Variants in CLIC5 observed in about 807,000 individuals in gnomAD.
CLIC5 encodes the protein CLIC family member 5.
In CLIC5, 20 loss-of-function variants were observed where a neutral mutation model predicts 24.7. The ratio of observed to expected loss-of-function variants is 0.81; its 90% CI spans 0.57 to 1.18. The LOEUF (loss-of-function observed/expected upper bound fraction) is 1.18, where lower values mean the gene tolerates loss of function less well. Among genes scored for constraint, CLIC5 ranks in the 50% most tolerant of loss-of-function variants. The probability of loss-of-function intolerance (pLI) is 0.00; values close to 1 mark genes in which losing one functional copy is unlikely to be tolerated. For synonymous variants in CLIC5, 159 were observed against 135.6 expected, an observed-to-expected ratio of 1.17 and a Z score of -1.20; for missense variants, 341 against 326.1, an observed-to-expected ratio of 1.05 and a Z score of -0.35.
In CLIC5 at chr6:45,919,809, C is replaced by T. The variant is rs552390216; in HGVS notation, c.407-5400G>A. ...GAATTCTTTTTTCTGTCTTAGAGTT[C>T]CTTTTACAGAAATCCTAATCTCTCT... On this transcript the variant is annotated intron_variant, in intron 4 of 5. Transcript: ENST00000339561. 7.2e-5 allele frequency among the ~76,000 whole-genome samples: 11 copies of T among 152,224 alleles called. No homozygotes were observed. In the South Asian group the frequency reaches 2.3e-3, roughly 32 times the overall value.
intron 1 of CLIC5, among the ~76,000 whole-genome samples, chr6:45,966,345 C>A (rs1376344832): frequency 6.6e-6 from 1 of 150,822 alleles, no homozygotes; most frequent in Non-Finnish European, 1.5e-5. Flanking sequence ...AATGCCCAAG[C>A]CCCACTCTCA....
At chr6:45,887,662 G>A (rs1561910981) in intron 6 of CLIC5, among the ~76,000 whole-genome samples, 1 of 152,182 alleles carries the variant, frequency 6.6e-6, no homozygotes, top group Admixed American at 6.5e-5. Context: ...GGAAGGTGAT[G>A]GAAGTTTTGA....
chr6:46,114,240 G>A, the CLIC5 span, among the ~76,000 whole-genome samples: 3 of 152,042 alleles, frequency 2.0e-5, no homozygotes, highest in Admixed American at 1.3e-4. Flanking sequence ...GTCCGCTATT[G>A]CCTTAAGTCC....
intron 1 of CLIC5, among the ~76,000 whole-genome samples, chr6:45,994,256 A>G (rs1474231233): frequency 6.6e-6 from 1 of 152,186 alleles, no homozygotes; most frequent in East Asian, 1.9e-4. Context: ...CCCGTTGATG[A>G]TAGACTGGAT....
In CLIC5 at chr6:45,997,466, A is replaced by G. The variant is rs1444993815; in HGVS notation, c.63+18014T>C. On this transcript the variant is annotated intron_variant, in intron 1 of 5. Coordinates refer to ENST00000339561, the MANE Select transcript of CLIC5 (RefSeq NM_016929.5). ...ACATGTATACATATGTAACTAACCTACACAATGTGCACATGTACCCTAAAA... is the reference window on the plus strand; with the variant it reads ...ACATGTATACATATGTAACTAACCTGCACAATGTGCACATGTACCCTAAAA... Among the ~76,000 whole-genome samples the G allele has an allele frequency of 5.3e-5, 8 of 150,958 alleles. No homozygotes were observed. In the East Asian group the frequency reaches 1.2e-3, roughly 22 times the overall value.
intron 1 of CLIC5, among the ~76,000 whole-genome samples, chr6:46,062,605 C>T (rs1456781647): frequency 6.6e-6 from 1 of 152,168 alleles, no homozygotes; most frequent in Non-Finnish European, 1.5e-5. Context: ...AACCTTTGTC[C>T]TCACAAGATT....
intron 1 of CLIC5, among the ~76,000 whole-genome samples, chr6:45,972,257 A>T (rs1453901143): frequency 2.0e-5 from 3 of 152,232 alleles, no homozygotes; most frequent in African/African-American, 7.2e-5. Context: ...TTGGCCTCAA[A>T]GCTGTCTCCA....
At chr6:45,882,015 G>T (rs1239896716) in intron 6 of CLIC5, among the ~76,000 whole-genome samples, 1 of 151,450 alleles carries the variant, frequency 6.6e-6, no homozygotes, top group East Asian at 1.9e-4. Context: ...CAACTCTAGA[G>T]CATTATAGTT....
intron 6 of CLIC5, among the ~76,000 whole-genome samples, chr6:45,884,865 C>G (rs919396326): frequency 6.6e-6 from 1 of 151,652 alleles, no homozygotes; most frequent in Non-Finnish European, 1.5e-5. Flanking sequence ...GTCTGGTACC[C>G]CCAACTCCTT....
At chr6:46,021,023 C>A (rs1301075452) in intron 1 of CLIC5, among the ~76,000 whole-genome samples, 3 of 148,512 alleles carry the variant, frequency 2.0e-5, no homozygotes, top group Non-Finnish European at 4.4e-5. Context: ...GCAATCTCTT[C>A]CAGTAATGAG....
chr6:46,034,866 A>G (rs1222792218), intron 1 of CLIC5, among the ~76,000 whole-genome samples: 1 of 152,230 alleles, frequency 6.6e-6, no homozygotes, highest in Non-Finnish European at 1.5e-5. Context: ...TGGGCATTAT[A>G]GAGAAGGGTG....
exon 1 of CLIC5, chr6:46,080,305 A>G: frequency 7.1e-7 from 1 of 1,404,342 alleles, no homozygotes; most frequent in Non-Finnish European, 9.7e-7. Flanking sequence ...GAATGAAGGG[A>G]CAGAGGATGC....
chr6:46,012,759 A>G (rs978459270), intron 1 of CLIC5, among the ~76,000 whole-genome samples: 6 of 152,206 alleles, frequency 3.9e-5, no homozygotes, highest in African/African-American at 1.2e-4. Flanking sequence ...AGGAGGAATT[A>G]TCATTCTTAG....
At chr6:46,036,850 G>A (rs1048770017) in intron 1 of CLIC5, among the ~76,000 whole-genome samples, 6 of 152,078 alleles carry the variant, frequency 3.9e-5, no homozygotes, top group Non-Finnish European at 8.8e-5. Flanking sequence ...AATAATAAGG[G>A]AAGTCTTGTT....
At chr6:45,941,137 C>G (rs1250478184) in intron 4 of CLIC5, among the ~76,000 whole-genome samples, 1 of 152,166 alleles carries the variant, frequency 6.6e-6, no homozygotes, top group Admixed American at 6.5e-5. Context: ...TGGAAAAATC[C>G]CTGGAGAAAC....
chr6:46,019,559 G>A (rs1406279884), upstream of CLIC5, among the ~76,000 whole-genome samples: 3 of 150,502 alleles, frequency 2.0e-5, no homozygotes, highest in South Asian at 2.1e-4. Context: ...GGTGGCGGGC[G>A]CCTGTAGTCC....
chr6:46,115,004 T>C, the CLIC5 span, among the ~76,000 whole-genome samples: 1 of 152,138 alleles, frequency 6.6e-6, no homozygotes, highest in Non-Finnish European at 1.5e-5. Context: ...CGATGAGTTA[T>C]GTGGAGAGAA....
intron 5 of CLIC5, 139 bp downstream of exon 5, chr6:45,914,089 A>C: frequency 1.7e-6 from 1 of 587,838 alleles, no homozygotes; most frequent in Non-Finnish European, 2.6e-6. Flanking sequence ...GCAGAGGGTG[A>C]CCTTGGGTCC....
At chr6:45,972,957 CAG>C (rs1392791735) in intron 1 of CLIC5, among the ~76,000 whole-genome samples, 1 of 152,186 alleles carries the variant, frequency 6.6e-6, no homozygotes, top group African/African-American at 2.4e-5. Context: ...CTAAAAATGT[CAG>C]TGAATCTCTG....
Sources: gnomAD v4.1 joint callset for allele counts (sites outside exome capture counted in the v4.1 genomes callset) on GRCh38, gnomAD v4.1.1 for gene constraint, MANE v1.5 for transcripts, NCBI Gene and HGNC (gene_info 2026-07-23, HGNC 2026-07-21) for gene names.